The following GRM7 variants were observed in gnomAD, a reference collection of about 807,000 sequenced individuals.
The protein encoded by GRM7 is glutamate metabotropic receptor 7.
Under a neutral mutation model 84.5 loss-of-function variants are expected in GRM7, and 35 were observed. The observed-to-expected ratio is 0.41, with a 90% CI of 0.32 to 0.55. The LOEUF (loss-of-function observed/expected upper bound fraction) is 0.55, where lower values mean the gene tolerates loss of function less well. GRM7 is among the 20% of genes least tolerant of loss of function. The pLI is 0.19. For missense variants in GRM7, 1,003 were observed against 1,194.6 expected (o/e 0.84, Z 2.36); for synonymous variants, 487 against 455.1 (o/e 1.07, Z -0.89).
chr3:7,007,701 G>C (rs965279911), intron 1 of GRM7, among the ~76,000 whole-genome samples: 1 of 152,168 alleles, frequency 6.6e-6, no homozygotes, highest in African/African-American at 2.4e-5. Flanking sequence ...ATTTATGAAA[G>C]AGTTTTAAAT....
At chr3:7,379,343 T>A (rs886778571) in intron 4 of GRM7, among the ~76,000 whole-genome samples, 1 of 152,106 alleles carries the variant, frequency 6.6e-6, no homozygotes, top group Non-Finnish European at 1.5e-5. Context: ...TTCAACCGCC[T>A]AGGCCTCCCA....
chr3:7,344,769 G>T (rs923377589), intron 4 of GRM7, among the ~76,000 whole-genome samples: 2 of 152,094 alleles, frequency 1.3e-5, no homozygotes, highest in South Asian at 4.1e-4. Context: ...AGGCTCAGAA[G>T]GTTAGGGGAG....
intron 4 of GRM7, among the ~76,000 whole-genome samples, chr3:7,394,641 G>A (rs114928589): frequency 0.49 from 4,311 of 8,858 alleles, 208 homozygotes; most frequent in African/African-American, 0.52. Context: ...ACTTTTCCAC[G>A]TGGGATCTTG....
chr3:7,192,168 T>G (rs750955971), intron 2 of GRM7, among the ~76,000 whole-genome samples: 15 of 152,118 alleles, frequency 9.9e-5, no homozygotes, highest in Non-Finnish European at 2.2e-4. Flanking sequence ...CAGACTTCAG[T>G]GTGAGCCAGA....
chr3:7,683,031 G>A (rs1181189389), intron 9 of GRM7, among the ~76,000 whole-genome samples: 2 of 152,182 alleles, frequency 1.3e-5, no homozygotes, highest in Non-Finnish European at 2.9e-5. Context: ...TTCAACCCAC[G>A]CTTGTTCCTC....
chr3:6,896,764 G>A (rs1331377898), intron 1 of GRM7, among the ~76,000 whole-genome samples: 1 of 151,926 alleles, frequency 6.6e-6, no homozygotes, highest in East Asian at 1.9e-4. Context: ...TTCTTAAAAT[G>A]CCTATCTCCA....
intron 8 of GRM7, among the ~76,000 whole-genome samples, chr3:7,656,062 C>T (rs890750258): frequency 6.6e-6 from 1 of 152,166 alleles, no homozygotes; most frequent in African/African-American, 2.4e-5. Context: ...TGGCACTGTG[C>T]TTGGCATATA....
At chr3:7,025,723 A>C (rs1027130120) in intron 1 of GRM7, among the ~76,000 whole-genome samples, 9 of 152,094 alleles carry the variant, frequency 5.9e-5, no homozygotes, top group Non-Finnish European at 1.2e-4. Context: ...TCTTACTCTA[A>C]CATTGGCCTC....
At chr3:6,865,546 G>C (rs1041611440) in intron 1 of GRM7, among the ~76,000 whole-genome samples, 1 of 92,114 alleles carries the variant, frequency 1.1e-5, no homozygotes, top group Non-Finnish European at 2.8e-5. Context: ...GATTCAGGTG[G>C]ATTTTTTTTT....
At chr3:7,723,562 G>A (rs1362259110) in intron 9 of GRM7, among the ~76,000 whole-genome samples, 1 of 152,112 alleles carries the variant, frequency 6.6e-6, no homozygotes, top group Non-Finnish European at 1.5e-5. Flanking sequence ...AATTTAGGTA[G>A]GGCACAATGG....
intron 1 of GRM7, among the ~76,000 whole-genome samples, chr3:6,919,388 A>AG (rs1697046625): frequency 1.6e-5 from 2 of 128,364 alleles, no homozygotes; most frequent in East Asian, 2.1e-4. Context: ...TTTTTTTTTA[A>AG]TAGAGATGGG....
At chr3:6,881,263 T>C (rs1488828019) in intron 1 of GRM7, among the ~76,000 whole-genome samples, 1 of 152,108 alleles carries the variant, frequency 6.6e-6, no homozygotes, top group Non-Finnish European at 1.5e-5. Flanking sequence ...AGCATGCATT[T>C]TCTATGTTTC....
intron 8 of GRM7, among the ~76,000 whole-genome samples, chr3:7,594,768 G>A (rs964763742): frequency 1.6e-4 from 25 of 152,082 alleles, no homozygotes; most frequent in Non-Finnish European, 1.5e-5. Flanking sequence ...AAAAGCATCT[G>A]CAGGCTCTTC....
At chr3:7,666,395 G>T (rs1310748476) in intron 8 of GRM7, among the ~76,000 whole-genome samples, 1 of 152,192 alleles carries the variant, frequency 6.6e-6, no homozygotes, top group Admixed American at 6.5e-5. Flanking sequence ...AGCCAGGCCA[G>T]ATACTATAGG....
At chr3:7,294,228 TG>T (rs1699736968) in intron 2 of GRM7, among the ~76,000 whole-genome samples, 1 of 152,174 alleles carries the variant, frequency 6.6e-6, no homozygotes, top group African/African-American at 2.4e-5. Flanking sequence ...TGTTGCCAAA[TG>T]GAGTTTGCTC....
intron 1 of GRM7, among the ~76,000 whole-genome samples, chr3:6,882,919 A>G (rs958584456): frequency 6.6e-6 from 1 of 152,164 alleles, no homozygotes; most frequent in African/African-American, 2.4e-5. Flanking sequence ...TCCTGCATTT[A>G]TTCATTTCCT....
chr3:7,181,532 T>G (rs1250383634), intron 2 of GRM7, among the ~76,000 whole-genome samples: 1 of 152,214 alleles, frequency 6.6e-6, no homozygotes, highest in Non-Finnish European at 1.5e-5. Flanking sequence ...TGACATTTAT[T>G]AAAGAAGAAG....
At chr3:7,394,588 A>T (rs1273796241) in intron 4 of GRM7, among the ~76,000 whole-genome samples, 1 of 152,074 alleles carries the variant, frequency 6.6e-6, no homozygotes, top group African/African-American at 2.4e-5. Flanking sequence ...ATTTTTCCAT[A>T]TTTCATCTTC....
chr3:7,617,684 A>T (rs1044378426), intron 8 of GRM7, among the ~76,000 whole-genome samples: 4 of 152,160 alleles, frequency 2.6e-5, no homozygotes, highest in Non-Finnish European at 5.9e-5. Flanking sequence ...AGACAGAGTG[A>T]ACAGAATTGA....
Sources: gnomAD v4.1 joint callset for allele counts (sites outside exome capture counted in the v4.1 genomes callset) on GRCh38, gnomAD v4.1.1 for gene constraint, MANE v1.5 for transcripts, NCBI Gene and HGNC (gene_info 2026-07-23, HGNC 2026-07-21) for gene names.